SUSD4: variants seen among roughly 807,000 people sequenced by gnomAD.
The protein encoded by SUSD4 is sushi domain-containing protein 4.
In SUSD4, 41 loss-of-function variants were observed where a neutral mutation model predicts 50.5. The ratio of observed to expected loss-of-function variants is 0.81; its 90% CI spans 0.63 to 1.05. The LOEUF is 1.05. Ranked by LOEUF, SUSD4 falls within the 50% of genes least tolerant of loss-of-function variation. SUSD4 has a pLI of 0.00. For synonymous variants in SUSD4, 257 were observed against 257.3 expected (o/e 1.00, Z 0.01); for missense variants, 580 against 634.7 (o/e 0.91, Z 0.93).
chr1:223,297,144 A>G (rs1388861204), intron 2 of SUSD4, among the ~76,000 whole-genome samples: 1 of 152,208 alleles, frequency 6.6e-6, no homozygotes, highest in African/African-American at 2.4e-5. Flanking sequence ...AAGACAGAGA[A>G]CACTGGGACC....
At chr1:223,352,715 G>A (rs1279084068) in intron 2 of SUSD4, among the ~76,000 whole-genome samples, 1 of 152,168 alleles carries the variant, frequency 6.6e-6, no homozygotes, top group Non-Finnish European at 1.5e-5. Context: ...GGACTCCCAA[G>A]AGTTAGAGAT....
At chr1:223,325,290 G>A (rs1666808200) in intron 2 of SUSD4, among the ~76,000 whole-genome samples, 1 of 152,044 alleles carries the variant, frequency 6.6e-6, no homozygotes, top group African/African-American at 2.4e-5. Context: ...TTTTCCCCAT[G>A]AGCCATGAGA....
intron 3 of SUSD4, among the ~76,000 whole-genome samples, chr1:223,285,019 T>C (rs909495330): frequency 6.6e-6 from 1 of 152,180 alleles, no homozygotes; most frequent in East Asian, 1.9e-4. Context: ...ATATTGAATG[T>C]TCCCAACACA....
intron 2 of SUSD4, among the ~76,000 whole-genome samples, chr1:223,342,720 TC>T (rs2103304204): frequency 6.6e-6 from 1 of 152,318 alleles, no homozygotes; most frequent in East Asian, 1.9e-4. Context: ...ATTAACAATA[TC>T]CTTACATTTC....
chr1:223,329,710 T>C (rs34482638), intron 2 of SUSD4, among the ~76,000 whole-genome samples: 9,773 of 152,172 alleles, frequency 0.064, 370 homozygotes, highest in East Asian at 0.12. Flanking sequence ...GACAGATGGA[T>C]GGATGAACGA....
rs1169358094 is a variant in SUSD4, at chr1:223,231,360, C to G, written c.725-1972G>C. ...AGGGCAGATCTGAGGCTGGCAGGCC[C>G]AGGTGTGCTCAGTAAATGGTGGCTG... On this transcript the variant is annotated intron_variant, in intron 5 of 8. Coordinates refer to ENST00000366878, the MANE Select transcript of SUSD4 (RefSeq NM_017982.4). The surrounding 1 kb of genome is among the most constrained non-coding windows in gnomAD (Gnocchi z 4.2). 6.6e-6 allele frequency among the ~76,000 whole-genome samples: 1 copy of G among 152,088 alleles called. No homozygotes were observed. The highest frequency in any genetic ancestry group is 1.5e-5 in the Non-Finnish European group (1 of 67,998).
rs1659630562 is a variant in SUSD4, at chr1:223,227,930, T to TA, written c.917-193dup. Among the ~76,000 whole-genome samples, 1 of 152,106 alleles carries TA rather than the reference T, an allele frequency of 6.6e-6. No homozygotes were observed. Among genetic ancestry groups the TA allele is most frequent in the Admixed American group, 6.5e-5 (1 of 15,282 alleles). On this transcript the variant is annotated intron_variant, in intron 6 of 8. Coordinates refer to ENST00000366878, the MANE Select transcript of SUSD4 (RefSeq NM_017982.4). The surrounding 1 kb of genome is among the most constrained non-coding windows in gnomAD (Gnocchi z 4.5). Reference sequence around the variant, plus strand: ...AATTGCATCAGGATCCACCCAACACTAAAAACCTGTCTCCAGCATGGGCTC... The same window carrying TA: ...AATTGCATCAGGATCCACCCAACACTAAAAAACCTGTCTCCAGCATGGGCTC...
At chr1:223,296,281 G>C (rs1419888217) in intron 2 of SUSD4, among the ~76,000 whole-genome samples, 2 of 152,186 alleles carry the variant, frequency 1.3e-5, no homozygotes, top group Admixed American at 6.5e-5. Context: ...TGAGAGAGGA[G>C]AGAGGCGTCC....
At chr1:223,333,537 C>A (rs980847693) in intron 2 of SUSD4, among the ~76,000 whole-genome samples, 1 of 152,104 alleles carries the variant, frequency 6.6e-6, no homozygotes, top group Non-Finnish European at 1.5e-5. Flanking sequence ...ATGGCATATA[C>A]CCCCAACAAC....
At position 223,221,810 on chromosome 1, in the gene SUSD4, A is replaced by G. The variant is rs1475245716; in HGVS notation, c.*382T>C. 2 of 182,548 alleles carry G rather than the reference A, an allele frequency of 1.1e-5. No individual in the cohort carries two copies. The highest frequency in any genetic ancestry group is 4.7e-5 in the African/African-American group (2 of 42,814). 11.3% of individuals were successfully genotyped at this position (182,548 alleles called of 1,614,324 possible). A position where few individuals can be genotyped will look rare whatever the true frequency, so the allele number is the denominator to read the frequency against. ...AAGCAGATGTTAGAAGCAAATTTACATGATGTGACATGCTTTCAGAGGGGG... is the reference window on the plus strand; with the variant it reads ...AAGCAGATGTTAGAAGCAAATTTACGTGATGTGACATGCTTTCAGAGGGGG... On this transcript the variant is annotated 3_prime_UTR_variant, in exon 9 of 9. Coordinates refer to ENST00000366878, the MANE Select transcript of SUSD4 (RefSeq NM_017982.4).
At chr1:223,288,912 TATGTCCTGAGG>T (rs943035106) in intron 3 of SUSD4, among the ~76,000 whole-genome samples, 1 of 152,256 alleles carries the variant, frequency 6.6e-6, no homozygotes, top group Non-Finnish European at 1.5e-5. Context: ...CAGCATTTTT[TATGTCCTGAGG>T]ACGTATGTGT....
chr1:223,313,939 C>A (rs890252226), intron 2 of SUSD4, among the ~76,000 whole-genome samples: 6 of 152,130 alleles, frequency 3.9e-5, no homozygotes, highest in Non-Finnish European at 8.8e-5. Flanking sequence ...AATTGCCCAC[C>A]CCTTCCCGGG....
At chr1:223,265,231 A>C (rs960648637) in intron 4 of SUSD4, among the ~76,000 whole-genome samples, 1 of 152,214 alleles carries the variant, frequency 6.6e-6, no homozygotes, top group Non-Finnish European at 1.5e-5. Context: ...AAGAGGAAAG[A>C]GACACCGCCA....
chr1:223,223,442 T>A lies in SUSD4; in HGVS notation c.1251A>T (p.Ser417=), dbSNP rs1387828389. The A allele has an allele frequency of 6.2e-7, 1 of 1,614,040 alleles. No individual in the cohort carries two copies. The highest frequency in any genetic ancestry group is 1.1e-5 in the South Asian group (1 of 91,068). Residue 417 remains serine (S), a synonymous_variant, in exon 8 of 9, where the codon TCA becomes TCT. Transcript: ENST00000366878. ...DDQSPPAYPG[S]GDTDTGPGES... ...CCCCTGGGCCTGTGTCCGTGTCCCC[T>A]GAGCCGGGGTATGCTGGGGGGCTCT...
In SUSD4 at chr1:223,292,497, C is replaced by T. The variant is rs760034620; in HGVS notation, c.303G>A (p.Lys101=). The change falls in exon 3 of 9, where the codon AAG becomes AAA. Residue 101 remains lysine (K), a synonymous_variant. Transcript: ENST00000366878. ...TCCAGCCTAGGGTTCCATTAAAATG[C>T]TTCAAACACAGTCTCTTTGTAGCGC... The part of the protein sequence containing the change: ...LKGATKRLCL[K]HFNGTLGWIP... 1.6e-5 allele frequency: 26 copies of T among 1,614,202 alleles called. No individual in the cohort carries two copies. The highest frequency in any genetic ancestry group is 2.0e-5 in the Non-Finnish European group (24 of 1,180,028).
chr1:223,262,329 G>A (rs1461573852), intron 5 of SUSD4, among the ~76,000 whole-genome samples: 1 of 152,186 alleles, frequency 6.6e-6, no homozygotes, highest in Non-Finnish European at 1.5e-5. Flanking sequence ...CCACAGCCCA[G>A]TGCAATAATT....
intron 7 of SUSD4, among the ~76,000 whole-genome samples, chr1:223,226,515 C>T (rs1016105067): frequency 6.6e-6 from 1 of 152,182 alleles, no homozygotes; most frequent in African/African-American, 2.4e-5. Context: ...AGGGCAAAGG[C>T]GGGTAGGTGC....
At chr1:223,289,625 C>T (rs1042034426) in intron 3 of SUSD4, among the ~76,000 whole-genome samples, 1 of 152,192 alleles carries the variant, frequency 6.6e-6, no homozygotes, top group Admixed American at 6.5e-5. Context: ...GTCCAGGTAA[C>T]AGTGACAAGC....
At chr1:223,345,251 C>T (rs528225933) in intron 2 of SUSD4, among the ~76,000 whole-genome samples, 6 of 152,262 alleles carry the variant, frequency 3.9e-5, no homozygotes, top group African/African-American at 7.2e-5. Context: ...CAGAGGTCCG[C>T]ACCACTAACC....
Sources: allele counts gnomAD v4.1 joint callset (sites outside exome capture counted in the v4.1 genomes callset), GRCh38; gene constraint gnomAD v4.1.1; non-coding constraint Gnocchi (gnomAD v3.1); transcripts MANE v1.5; gene names NCBI Gene and HGNC (gene_info 2026-07-23, HGNC 2026-07-21).